The following HP variants were observed in gnomAD, a reference collection of about 807,000 sequenced individuals.
HP encodes haptoglobin.
HP carries 9 observed loss-of-function variants against 23.2 expected under a neutral mutation model. The observed-to-expected ratio is 0.39, with a 90% confidence interval of 0.23 to 0.68. The LOEUF is 0.68. HP is among the 30% of genes least tolerant of loss of function. The pLI, the probability that HP is intolerant of heterozygous loss-of-function variation, is 0.47. For missense variants in HP, 433 were observed against 483.6 expected, an observed-to-expected ratio of 0.90 and a Z score of 0.98; for synonymous variants, 155 against 183.3, an observed-to-expected ratio of 0.85 and a Z score of 1.25.
chr16:72,058,656 G>A, intron 5 of HP: 1 of 387,576 alleles, frequency 2.6e-6, no homozygotes. Flanking sequence ...TGCTGATGAT[G>A]ATGTCACCCT....
intron 3 of HP, 73 bp from the exon 4 acceptor site, chr16:72,057,319 T>G: frequency 1.7e-6 from 1 of 602,458 alleles, no homozygotes; most frequent in East Asian, 3.0e-5. Flanking sequence ...TTCTTCTCCT[T>G]AAATGCCTTC....
At chr16:72,059,258 G>C in intron 6 of HP, 70 bp downstream of exon 6, 1 of 1,546,026 alleles carries the variant, frequency 6.5e-7, no homozygotes, top group Non-Finnish European at 8.8e-7. Context: ...CAGCCTTCCA[G>C]TGCGGCTTCC....
At chr16:72,058,173 AGCTCCCGCT>A in intron 4 of HP, 72 bp from the exon 5 acceptor site, 1 of 945,996 alleles carries the variant, frequency 1.1e-6, no homozygotes, top group Middle Eastern at 2.8e-4. Flanking sequence ...TGTGCAGAGC[AGCTCCCGCT>A]CATCTGACTT....
At chr16:72,059,073 C>T in intron 5 of HP, 41 bp from the exon 6 acceptor site, 1 of 1,540,882 alleles carries the variant, frequency 6.5e-7, no homozygotes, top group East Asian at 2.2e-5. Context: ...GGGGTCTAGA[C>T]TTGACTTCTC....
Position 72,054,662 on chromosome 16 carries a change from G to A in HP, c.5+5G>A. On this transcript the variant is annotated splice_donor_5th_base_variant and intron_variant, in intron 1 of 6. Coordinates refer to ENST00000355906, the MANE Select transcript of HP (RefSeq NM_005143.5). ...GGCAAGACCAACCAAGATGAGGTGG[G>A]TCCACAGCTTTCCCTCCTGCCTTTC... 6.2e-7 allele frequency: 1 copy of A among 1,612,186 alleles called. No individual in the cohort carries two copies. The highest frequency in any genetic ancestry group is 8.5e-7 in the Non-Finnish European group (1 of 1,179,034).
rs1385315374 is a variant in HP at position 72,057,870 on chromosome 16, T to C, written c.266-384T>C. 3 of 339,780 alleles carry C rather than the reference T, an allele frequency of 8.8e-6. 1 individual carries two copies. Among genetic ancestry groups the C allele is most frequent in the Non-Finnish European group, 1.6e-5 (3 of 183,516 alleles). The allele number at this position is 339,780 out of a possible 1,614,324, so 21.0% of individuals were successfully genotyped here. A position where few individuals can be genotyped will look rare whatever the true frequency, so the allele number is the denominator to read the frequency against. On this transcript the variant is annotated intron_variant, in intron 4 of 6. Coordinates refer to ENST00000355906, the MANE Select transcript of HP (RefSeq NM_005143.5). ...GGGCTGGAACTCCTGCTTCTCGTTA[T>C]TAGGAGGAGCTGTTGCTCTCTCCTT...
rs1269791960 is a variant in HP, at chr16:72,055,717, G to GTA, written c.6-443_6-442dup. On this transcript the variant is annotated intron_variant, in intron 1 of 6. Coordinates refer to ENST00000355906, the MANE Select transcript of HP (RefSeq NM_005143.5). Reference sequence around the variant, plus strand: ...TATCAAGAAGTAGAGGAATAGCACAGTAAGCCCAAAGTTCCCATCTCTGAG... The same window carrying GTA: ...TATCAAGAAGTAGAGGAATAGCACAGTATAAGCCCAAAGTTCCCATCTCTGAG... The GTA allele has an allele frequency of 2.8e-5, 7 of 253,146 alleles. No homozygotes were observed. In the East Asian group the frequency reaches 5.9e-4, roughly 21 times the overall value. 15.7% of individuals were successfully genotyped at this position (253,146 alleles called of 1,614,324 possible). A position where few individuals can be genotyped will look rare whatever the true frequency, so the allele number is the denominator to read the frequency against.
Position 72,056,163 on chromosome 16 carries a change from C to CT in HP, c.8_9insT (p.Leu4ProfsTer21). The CT allele has an allele frequency of 6.2e-7, 1 of 1,613,708 alleles. No homozygotes were observed. The highest frequency in any genetic ancestry group is 8.5e-7 in the Non-Finnish European group (1 of 1,179,808). The stretch of plus-strand genomic sequence containing the variant: ...TCCTCCTTGTCTTCTCTCTGCAGTG[C>CT]CCTGGGAGCTGTCATTGCCCTCCTG... On this transcript the variant is annotated frameshift_variant, in exon 2 of 7. Coordinates refer to ENST00000355906, the MANE Select transcript of HP (RefSeq NM_005143.5). LOFTEE classifies it high-confidence loss of function.
chr16:72,058,588 C>T lies in HP; in HGVS notation c.367+233C>T, dbSNP rs544063606. The T allele has an allele frequency of 7.0e-4, 262 of 375,544 alleles. 19 individuals carry two copies. The highest frequency in any genetic ancestry group is 4.5e-5 in the Non-Finnish European group (10 of 220,452). The allele number at this position is 375,544 out of a possible 1,614,324, so 23.3% of individuals were successfully genotyped here. Reference sequence around the variant, plus strand: ...AGGGGAGGCGATGCCATGCAGCCTACCTCATGTAAATCTCAGAGTCACATT... The same window carrying T: ...AGGGGAGGCGATGCCATGCAGCCTATCTCATGTAAATCTCAGAGTCACATT... On this transcript the variant is annotated intron_variant, in intron 5 of 6. Transcript: ENST00000355906.
intron 6 of HP, 27 bp downstream of exon 6, chr16:72,059,215 G>A (rs1388454132): frequency 6.4e-7 from 1 of 1,564,616 alleles, no homozygotes; most frequent in Admixed American, 1.7e-5. Flanking sequence ...TAAGAGAGCA[G>A]GCAGGCGTCC....
In HP at chr16:72,060,498, C is replaced by A; in HGVS notation, c.829C>A (p.Arg277Ser). 3 of 1,614,098 alleles carry A rather than the reference C, an allele frequency of 1.9e-6. No individual in the cohort carries two copies. Among genetic ancestry groups the A allele is most frequent in the Non-Finnish European group, 2.5e-6 (3 of 1,180,028 alleles). ...TTCAAAGGATTATGCAGAAGTAGGG[C>A]GTGTGGGTTATGTTTCTGGCTGGGG... The part of the protein sequence containing the change: ...LPSKDYAEVG[R>S]VGYVSGWGRN... The change falls in exon 7 of 7, where the codon CGT becomes AGT. Residue 277 changes from arginine (R) to serine (S), a missense_variant. By Grantham distance (110) the Arg-to-Ser change is moderately radical. Around this residue, in one of 3 missense-constraint regions of HP, gnomAD observed 326 missense variants for 358.1 expected, o/e 0.91. Transcript: ENST00000355906.
Position 72,060,755 on chromosome 16 carries a change from C to T in HP, c.1086C>T (p.His362=), listed in dbSNP as rs5477. The T allele has an allele frequency of 2.0e-3, 3,223 of 1,614,162 alleles. 28 individuals carry two copies. Among genetic ancestry groups the T allele is most frequent in the African/African-American group, 0.016 (1,202 of 75,044 alleles). Residue 362 remains histidine, a synonymous_variant, in exon 7 of 7, where the codon CAC becomes CAT. Transcript: ENST00000355906. ...YGDAGSAFAV[H]DLEEDTWYAT... is the part of the protein sequence containing the mutation. Reference sequence around the variant, plus strand: ...ATGCGGGCAGTGCCTTTGCCGTTCACGACCTGGAGGAGGACACCTGGTATG... The same window carrying T: ...ATGCGGGCAGTGCCTTTGCCGTTCATGACCTGGAGGAGGACACCTGGTATG...
intron 1 of HP, chr16:72,055,526 A>G (rs1448787808): frequency 6.1e-6 from 1 of 163,818 alleles, no homozygotes; most frequent in African/African-American, 2.4e-5. Context: ...CCTGTGGGTC[A>G]ATGCCCATGG....
intron 6 of HP, 29 bp from the exon 7 acceptor site, chr16:72,060,083 A>T (rs1268183615): frequency 1.2e-6 from 2 of 1,605,572 alleles, no homozygotes; most frequent in Non-Finnish European, 8.5e-7. Context: ...GCACATTTCC[A>T]CTCACGAGTG....
intron 2 of HP, 130 bp downstream of exon 2, chr16:72,056,373 G>A (rs2041463211): frequency 1.3e-6 from 2 of 1,562,626 alleles, no homozygotes; most frequent in Non-Finnish European, 1.7e-6. Flanking sequence ...GAACATTGGG[G>A]TTCCTGCCAG....
At chr16:72,059,979 C>T in intron 6 of HP, 133 bp from the exon 7 acceptor site, 4 of 1,491,060 alleles carry the variant, frequency 2.7e-6, no homozygotes, top group Non-Finnish European at 3.6e-6. Flanking sequence ...ATGAGATCAG[C>T]AGGTGGTAAG....
chr16:72,056,152 T>C lies in HP; in HGVS notation c.6-9T>C. On this transcript the variant is annotated splice_polypyrimidine_tract_variant and intron_variant, in intron 1 of 6. Transcript: ENST00000355906. ...TAGCTTTCCACTCCTCCTTGTCTTCTCTCTGCAGTGCCCTGGGAGCTGTCA... is the reference window on the plus strand; with the variant it reads ...TAGCTTTCCACTCCTCCTTGTCTTCCCTCTGCAGTGCCCTGGGAGCTGTCA... The C allele has an allele frequency of 1.2e-6, 2 of 1,613,592 alleles. No individual in the cohort carries two copies. The highest frequency in any genetic ancestry group is 8.5e-7 in the Non-Finnish European group (1 of 1,179,642).
chr16:72,060,850 C>T lies in HP; in HGVS notation c.1181C>T (p.Ser394Phe). Residue 394 changes from serine (S) to phenylalanine (F), a missense_variant, in exon 7 of 7, where the codon TCC becomes TTC. Physicochemically the swap from Ser to Phe is radical, Grantham distance 155. Around this residue, in one of 3 missense-constraint regions of HP, gnomAD observed 326 missense variants for 358.1 expected, o/e 0.91. Transcript: ENST00000355906. ...AEYGVYVKVT[S>F]IQDWVQKTIA... ...TATGGTGTGTATGTGAAGGTGACTT[C>T]CATCCAGGACTGGGTTCAGAAGACC... The T allele has an allele frequency of 6.2e-7, 1 of 1,608,866 alleles. No homozygotes were observed. The highest frequency in any genetic ancestry group is 1.1e-5 in the South Asian group (1 of 90,134).
chr16:72,059,926 C>G (rs1172263894), intron 6 of HP, 186 bp from the exon 7 acceptor site: 2 of 1,347,676 alleles, frequency 1.5e-6, no homozygotes, highest in African/African-American at 1.5e-5. Context: ...GTAATGTAAA[C>G]AATTTAAAAA....
Sources: allele counts gnomAD v4.1 joint callset, GRCh38; gene constraint gnomAD v4.1.1; regional missense constraint gnomAD v4.1.1; transcripts MANE v1.5; gene names NCBI Gene and HGNC (gene_info 2026-07-23, HGNC 2026-07-21).